Variants in RNF212B observed in about 807,000 individuals in gnomAD.
RNF212B encodes the protein ring finger protein 212B.
RNF212B carries 52 observed loss-of-function variants against 55.5 expected under a neutral mutation model. That is an observed-to-expected ratio of 0.94 (90% confidence interval 0.75 to 1.18). RNF212B has a LOEUF of 1.18. Ranked by LOEUF, RNF212B falls within the 50% of genes most tolerant of loss-of-function variation. RNF212B has a pLI of 0.00. For missense variants in RNF212B, 289 were observed against 350.4 expected (o/e 0.82, Z 1.40); for synonymous variants, 99 against 121.4 (o/e 0.82, Z 1.21).
At chr14:23,248,436 G>GCC (rs1884154560) in intron 4 of RNF212B, among the ~76,000 whole-genome samples, 1 of 127,116 alleles carries the variant, frequency 7.9e-6, no homozygotes. Context: ...CCAACCCCAA[G>GCC]CCTCTTTTTT....
At chr14:23,232,446 G>A (rs1462383648) in intron 2 of RNF212B, among the ~76,000 whole-genome samples, 2 of 112,098 alleles carry the variant, frequency 1.8e-5, no homozygotes, top group Non-Finnish European at 2.2e-5. Flanking sequence ...CCTCCGCCCG[G>A]CAGCCGCCCC....
chr14:23,226,747 C>T (rs962879217), intron 2 of RNF212B, among the ~76,000 whole-genome samples: 1 of 151,564 alleles, frequency 6.6e-6, no homozygotes, highest in Admixed American at 6.6e-5. Flanking sequence ...AGTCCCCTCC[C>T]CTCCCCTCCC....
At chr14:23,222,410 A>C (rs1349525367) in intron 2 of RNF212B, among the ~76,000 whole-genome samples, 2 of 152,202 alleles carry the variant, frequency 1.3e-5, no homozygotes, top group African/African-American at 2.4e-5. Context: ...TTTTAGACAT[A>C]TACAACCTAC....
upstream of RNF212B, among the ~76,000 whole-genome samples, chr14:23,235,886 A>G (rs530158715): frequency 3.9e-5 from 6 of 152,360 alleles, no homozygotes; most frequent in South Asian, 1.2e-3. Context: ...ACCGGCTATA[A>G]AAAGTTCATT....
intron 1 of RNF212B, among the ~76,000 whole-genome samples, chr14:23,189,703 G>A (rs984652251): frequency 6.6e-6 from 1 of 152,146 alleles, no homozygotes; most frequent in African/African-American, 2.4e-5. Flanking sequence ...CAGCAACTCA[G>A]GAGGCTGACG....
chr14:23,267,493 A>T (rs1477254438), intron 11 of RNF212B, among the ~76,000 whole-genome samples: 1 of 151,726 alleles, frequency 6.6e-6, no homozygotes, highest in Non-Finnish European at 1.5e-5. Context: ...CAGTGGCAAA[A>T]TCTTGGCTCA....
intron 2 of RNF212B, among the ~76,000 whole-genome samples, chr14:23,229,708 C>A (rs930468165): frequency 1.3e-5 from 2 of 152,100 alleles, no homozygotes; most frequent in African/African-American, 2.4e-5. Flanking sequence ...CTATTCAAAT[C>A]TTTTGCCTAT....
chr14:23,256,750 G>A (rs999631500), intron 4 of RNF212B, among the ~76,000 whole-genome samples: 18 of 152,164 alleles, frequency 1.2e-4, no homozygotes, highest in African/African-American at 1.9e-4. Flanking sequence ...GCAGAGGCAC[G>A]ATCATGGGTC....
rs369025870 is a variant in RNF212B at position 23,240,440 on chromosome 14, C to T, written c.95C>T (p.Thr32Ile). Residue 32 changes from threonine (T) to isoleucine (I), a missense_variant, in exon 2 of 15, where the codon ACT becomes ATT. Transcript: ENST00000430154. ...CGHIFCKKCV[T>I]LEKCAVCGTA... ...CATATTTTCTGTAAAAAGTGTGTGA[C>T]TCTGGGTGAGTGACTCAACTGTTTT... The T allele has an allele frequency of 2.7e-5, 42 of 1,545,896 alleles. No individual in the cohort carries two copies. Among genetic ancestry groups the T allele is most frequent in the Admixed American group, 3.9e-5 (2 of 50,938 alleles).
Position 23,267,157 on chromosome 14 carries a change from G to C in RNF212B, c.635-1767G>C, listed in dbSNP as rs147954609. On this transcript the variant is annotated intron_variant, in intron 11 of 14. Coordinates refer to ENST00000430154, the MANE Select transcript of RNF212B (RefSeq NM_001282322.3). ...CTAGTTTTTTTATTTCAATTTTCATGTCTTTGTAGAGACGAGGTCTCCCTG... is the reference window on the plus strand; with the variant it reads ...CTAGTTTTTTTATTTCAATTTTCATCTCTTTGTAGAGACGAGGTCTCCCTG... Among the ~76,000 whole-genome samples, 315 of 151,740 alleles carry C rather than the reference G, an allele frequency of 2.1e-3. 1 individual carries two copies. Among genetic ancestry groups the C allele is most frequent in the African/African-American group, 7.2e-3 (300 of 41,400 alleles).
intron 5 of RNF212B, among the ~76,000 whole-genome samples, chr14:23,259,053 A>G (rs1296553833): frequency 1.3e-5 from 2 of 151,730 alleles, no homozygotes; most frequent in Non-Finnish European, 2.9e-5. Flanking sequence ...TTAGCCAGAC[A>G]TGGTGGTTCA....
intron 4 of RNF212B, among the ~76,000 whole-genome samples, chr14:23,254,585 C>T (rs11848278): frequency 0.17 from 26,493 of 152,046 alleles, 3,435 homozygotes; most frequent in African/African-American, 0.37. Flanking sequence ...GTAGAGATAG[C>T]ATTTTGCCAC....
chr14:23,263,224 A>G (rs1162367698), intron 9 of RNF212B, among the ~76,000 whole-genome samples: 1 of 152,232 alleles, frequency 6.6e-6, no homozygotes, highest in African/African-American at 2.4e-5. Flanking sequence ...ATTACCAAAA[A>G]TCAGAAAGCC....
At chr14:23,246,167 G>A (rs1010075503) in intron 4 of RNF212B, among the ~76,000 whole-genome samples, 4 of 143,920 alleles carry the variant, frequency 2.8e-5, no homozygotes, top group African/African-American at 1.0e-4. Flanking sequence ...TCTTGCTTTT[G>A]TCTGTCACCC....
At chr14:23,198,308 C>A (rs953510872) in intron 2 of RNF212B, among the ~76,000 whole-genome samples, 3 of 152,288 alleles carry the variant, frequency 2.0e-5, no homozygotes, top group Middle Eastern at 3.4e-3. Flanking sequence ...ATTATCACAC[C>A]TAATGAAATT....
intron 12 of RNF212B, among the ~76,000 whole-genome samples, chr14:23,269,175 G>A (rs1885902940): frequency 6.6e-6 from 1 of 152,092 alleles, no homozygotes; most frequent in South Asian, 2.1e-4. Flanking sequence ...GCGGTGTCAC[G>A]TGCCTGTAAT....
At chr14:23,242,908 G>C (rs1392956389) in intron 2 of RNF212B, among the ~76,000 whole-genome samples, 1 of 145,390 alleles carries the variant, frequency 6.9e-6, no homozygotes, top group Non-Finnish European at 1.5e-5. Context: ...GAGCCCGGGA[G>C]GTTGAGGCTG....
In RNF212B at chr14:23,272,825, TCTCTACCAA is replaced by T; in HGVS notation, c.839_847del (p.Leu280_Gln282del). The T allele has an allele frequency of 6.5e-7, 1 of 1,547,714 alleles. No individual in the cohort carries two copies. The highest frequency in any genetic ancestry group is 8.7e-7 in the Non-Finnish European group (1 of 1,144,818). On this transcript the variant is annotated inframe_deletion, in exon 15 of 15. Transcript: ENST00000430154. ...TACCTTCTTGTCCTCTGCTGCAGAC[TCTCTACCAA>T]CAACGGAGGCATATGGGATTACCCA...
intron 8 of RNF212B, 46 bp from the exon 9 acceptor site, chr14:23,262,880 GCA>G (rs769666847): frequency 1.4e-4 from 208 of 1,534,110 alleles, no homozygotes; most frequent in Non-Finnish European, 1.6e-4. Flanking sequence ...GGCAAGGCAG[GCA>G]TACCATTGAT....
Sources: allele counts gnomAD v4.1 joint callset (sites outside exome capture counted in the v4.1 genomes callset), GRCh38; gene constraint gnomAD v4.1.1; transcripts MANE v1.5; gene names NCBI Gene and HGNC (gene_info 2026-07-23, HGNC 2026-07-21).